Variants in PARVB observed in about 807,000 individuals in gnomAD.
PARVB encodes the protein beta-parvin.
A neutral mutation model predicts 47.0 loss-of-function variants in PARVB; 46 were observed. The observed-to-expected ratio is 0.98, with a 90% CI of 0.77 to 1.25. PARVB has a LOEUF of 1.25. PARVB is among the 50% of genes most tolerant of loss of function. The probability of loss-of-function intolerance (pLI) is 0.00; values close to 1 mark genes in which losing one functional copy is unlikely to be tolerated. For missense variants in PARVB, 473 were observed against 471.6 expected, an observed-to-expected ratio of 1.00 and a Z score of -0.03; for synonymous variants, 196 against 196.3, an observed-to-expected ratio of 1.00 and a Z score of 0.01.
At chr22:44,098,890 G>A (rs1316718963) in intron 2 of PARVB, among the ~76,000 whole-genome samples, 1 of 151,880 alleles carries the variant, frequency 6.6e-6, no homozygotes, top group African/African-American at 2.4e-5. Flanking sequence ...GCCCAGGTTG[G>A]TCTGGAACTC....
At chr22:44,115,425 C>G (rs1312287444) in intron 3 of PARVB, 1 of 122,494 alleles carries the variant, frequency 8.2e-6, no homozygotes, top group South Asian at 3.0e-4. Context: ...AACTAAGGCC[C>G]TGCACCAACA....
intron 6 of PARVB, among the ~76,000 whole-genome samples, chr22:44,135,161 T>G (rs1170795891): frequency 1.3e-5 from 2 of 152,174 alleles, no homozygotes; most frequent in Non-Finnish European, 2.9e-5. Context: ...AGGGGTTCAG[T>G]GGTGGTTGGA....
rs1286563368 is a variant in PARVB at position 44,131,129 on chromosome 22, TTCTTTC to T, written c.377-354_377-349del. Among the ~76,000 whole-genome samples, 311 of 89,386 alleles carry T rather than the reference TTCTTTC, an allele frequency of 3.5e-3. 2 individuals carry two copies. Among genetic ancestry groups the T allele is most frequent in the African/African-American group, 0.012 (297 of 24,794 alleles). The allele number at this position is 89,386 out of a possible 152,430, so 58.6% of individuals were successfully genotyped here. On this transcript the variant is annotated intron_variant, in intron 4 of 12. Coordinates refer to ENST00000338758, the MANE Select transcript of PARVB (RefSeq NM_013327.5). ...CCTTCCTTCCTTCCTTCCTTTTTCT[TTCTTTC>T]TCTCTCTCTCTCTCTCTCTTTCTGA...
In PARVB at chr22:44,172,082, A is replaced by G. The variant is rs930663777; in HGVS notation, c.*3404A>G. On this transcript the variant is annotated 3_prime_UTR_variant, in exon 13 of 13. Transcript: ENST00000338758. ...CTTTTGCATACCTGGGAAGGGCCCC[A>G]TTAGGCTCGACTCCTCATTTTTCTC... 8.6e-5 allele frequency: 13 copies of G among 151,750 alleles called. No homozygotes were observed. Among genetic ancestry groups the G allele is most frequent in the African/African-American group, 3.1e-4 (13 of 41,394 alleles). 9.4% of individuals were successfully genotyped at this position (151,750 alleles called of 1,614,324 possible).
intron 1 of PARVB, among the ~76,000 whole-genome samples, chr22:44,066,830 TCCA>T (rs1457556318): frequency 1.4e-4 from 20 of 142,968 alleles, no homozygotes; most frequent in South Asian, 2.3e-4. Context: ...CTCTTCCTCC[TCCA>T]TCTCCTCCTC....
chr22:44,024,548 A>C (rs2050696919), intron 1 of PARVB, 97 bp downstream of exon 1: 27 of 430,284 alleles, frequency 6.3e-5, no homozygotes, highest in South Asian at 1.0e-4. Flanking sequence ...GCCCTCCCCC[A>C]CGCACCCCGC....
At chr22:44,013,462 C>T (rs972351887) in intron 2 of PARVB, among the ~76,000 whole-genome samples, 4 of 152,180 alleles carry the variant, frequency 2.6e-5, no homozygotes, top group African/African-American at 9.7e-5. Context: ...CCTGCTGGTG[C>T]CCATATGCAG....
intron 1 of PARVB, among the ~76,000 whole-genome samples, chr22:44,072,334 C>G (rs905855059): frequency 6.6e-6 from 1 of 152,162 alleles, no homozygotes; most frequent in Non-Finnish European, 1.5e-5. Flanking sequence ...CTCTCACCAC[C>G]CTTTTGGGTT....
Position 44,162,189 on chromosome 22 carries a change from G to A in PARVB, c.946-1669G>A, listed in dbSNP as rs530996373. On this transcript the variant is annotated intron_variant, in intron 11 of 12. Transcript: ENST00000338758. ...CCCACACTGTTTTCCAGTGTTGTTC[G>A]TTTGATTAACTCAGGGAAGCCTCTT... is the stretch of plus-strand genomic sequence containing the variant. Among the ~76,000 whole-genome samples, 287 of 152,334 alleles carry A rather than the reference G, an allele frequency of 1.9e-3. 3 individuals carry two copies. The highest frequency in any genetic ancestry group is 6.2e-4 in the Non-Finnish European group (42 of 68,034).
intron 3 of PARVB, among the ~76,000 whole-genome samples, chr22:44,100,443 G>A (rs899976989): frequency 5.9e-5 from 9 of 152,150 alleles, no homozygotes; most frequent in African/African-American, 2.2e-4. Flanking sequence ...GTACCTTACA[G>A]ATGGAGTTGG....
chr22:44,059,039 CTTTTT>C (rs11296450), intron 1 of PARVB, among the ~76,000 whole-genome samples: 1 of 73,066 alleles, frequency 1.4e-5, no homozygotes. Context: ...CACCCTGTGG[CTTTTT>C]TTTTTTTTTT....
At chr22:44,071,055 T>G (rs5764081) in intron 1 of PARVB, among the ~76,000 whole-genome samples, 70,505 of 151,968 alleles carry the variant, frequency 0.46, 17,157 homozygotes, top group East Asian at 0.75. Flanking sequence ...TGGAGCCCAG[T>G]ATCACTCCAG....
intron 3 of PARVB, among the ~76,000 whole-genome samples, chr22:44,118,824 G>C (rs774185741): frequency 6.6e-6 from 1 of 151,976 alleles, no homozygotes; most frequent in Non-Finnish European, 1.5e-5. Context: ...CTGCAGTGCT[G>C]TGCAGCCCCT....
intron 1 of PARVB, among the ~76,000 whole-genome samples, chr22:44,069,682 C>T (rs1032562720): frequency 6.6e-6 from 1 of 152,214 alleles, no homozygotes; most frequent in Non-Finnish European, 1.5e-5. Flanking sequence ...GCTCCCGCCA[C>T]CGCGCCTGGC....
At chr22:44,144,413 G>T (rs1462136780) in intron 8 of PARVB, 1 of 152,278 alleles carries the variant, frequency 6.6e-6, no homozygotes, top group East Asian at 1.9e-4. Context: ...TTGCTGCCAG[G>T]TGGGAGTGCA....
At chr22:44,044,524 C>T (rs766229218) in intron 1 of PARVB, among the ~76,000 whole-genome samples, 17 of 149,136 alleles carry the variant, frequency 1.1e-4, no homozygotes, top group Non-Finnish European at 2.1e-4. Context: ...CTCGCTCTGT[C>T]GCCCAGGCTG....
rs2053910312 is a variant in PARVB, at chr22:44,155,444, CT to C, written c.844-2536del. ...CTGGGCCCCCCAGCCCTGCCCTCTC[CT>C]TGTGGCCGTCCCTCCCTCCTTCCTG... is the stretch of plus-strand genomic sequence containing the variant. On this transcript the variant is annotated intron_variant, in intron 10 of 12. Coordinates refer to ENST00000338758, the MANE Select transcript of PARVB (RefSeq NM_013327.5). The surrounding 1 kb of genome is among the most constrained non-coding windows in gnomAD (Gnocchi z 4.8). Among the ~76,000 whole-genome samples, 1 of 152,190 alleles carries C rather than the reference CT, an allele frequency of 6.6e-6. No individual in the cohort carries two copies. Among genetic ancestry groups the C allele is most frequent in the South Asian group, 2.1e-4 (1 of 4,834 alleles).
chr22:44,082,241 A>G (rs926980786), intron 1 of PARVB, among the ~76,000 whole-genome samples: 1 of 152,178 alleles, frequency 6.6e-6, no homozygotes, highest in Admixed American at 6.5e-5. Context: ...GAAGTTGGCC[A>G]GGTGCGGTGG....
chr22:44,101,034 C>A (rs774190048), intron 3 of PARVB, among the ~76,000 whole-genome samples: 1 of 152,208 alleles, frequency 6.6e-6, no homozygotes, highest in Non-Finnish European at 1.5e-5. Context: ...CCACAGTGGA[C>A]CCAATGCTGG....
Sources: gnomAD v4.1 joint callset for allele counts (sites outside exome capture counted in the v4.1 genomes callset) on GRCh38, gnomAD v4.1.1 for gene constraint, Gnocchi (gnomAD v3.1) non-coding constraint, MANE v1.5 for transcripts, NCBI Gene and HGNC (gene_info 2026-07-23, HGNC 2026-07-21) for gene names.